ZNF208: variants seen among roughly 807,000 people sequenced by gnomAD.
The protein encoded by ZNF208 is zinc finger protein 95.
In ZNF208, 10 loss-of-function variants were observed where a neutral mutation model predicts 12.1. That is an observed-to-expected ratio of 0.83 (90% CI 0.51 to 1.40). The LOEUF (loss-of-function observed/expected upper bound fraction) is 1.40. Among genes scored for constraint, ZNF208 ranks in the 40% most tolerant of loss-of-function variants. The probability of loss-of-function intolerance (pLI) is 0.00; values close to 1 mark genes in which losing one functional copy is unlikely to be tolerated. For synonymous variants in ZNF208, 497 were observed against 488.4 expected (o/e 1.02, Z -0.23); for missense variants, 1,652 against 1,485.0 (o/e 1.11, Z -1.85).
intron 4 of ZNF208, among the ~76,000 whole-genome samples, chr19:21,944,426 A>G (rs543228852): frequency 6.6e-6 from 1 of 152,326 alleles, no homozygotes; most frequent in South Asian, 2.1e-4. Flanking sequence ...ACAAATCATC[A>G]AATTCTTATT....
intron 1 of ZNF208, among the ~76,000 whole-genome samples, chr19:21,996,730 C>G (rs1207362645): frequency 6.6e-6 from 1 of 152,186 alleles, no homozygotes; most frequent in African/African-American, 2.4e-5. Context: ...ACTCAGTGCA[C>G]ATATTTTACT....
At chr19:21,984,078 G>C (rs145981309) in intron 3 of ZNF208, among the ~76,000 whole-genome samples, 1,879 of 152,140 alleles carry the variant, frequency 0.012, 31 homozygotes, top group African/African-American at 0.042. Context: ...GAGGTATAGA[G>C]AGCACTCCTT....
At position 21,971,964 on chromosome 19, in the gene ZNF208, T is replaced by G. The variant is rs768690186; in HGVS notation, c.3070A>C (p.Thr1024Pro). The G allele has an allele frequency of 6.3e-7, 1 of 1,576,022 alleles. No homozygotes were observed. Among genetic ancestry groups the G allele is most frequent in the South Asian group, 1.1e-5 (1 of 90,096 alleles). Residue 1024 changes from threonine (T) to proline (P), a missense_variant, in exon 4 of 4, where the codon ACT becomes CCT. Physicochemically the swap from Thr to Pro is conservative, Grantham distance 38. Around this residue, in one of 3 missense-constraint regions of ZNF208, gnomAD observed 1,239 missense variants for 1,086.2 expected, o/e 1.14. Coordinates refer to ENST00000397126, the MANE Select transcript of ZNF208 (RefSeq NM_007153.3). ...SNLMEHKKIH[T>P]GETPYKCEEC... ...TCACATTTGTAGGGTGTCTCTCCAG[T>G]GTGAATTTTCTTATGTTCCATAAGG...
intron 3 of ZNF208, among the ~76,000 whole-genome samples, chr19:21,983,444 C>T (rs141590519): frequency 1.2e-4 from 19 of 152,042 alleles, no homozygotes; most frequent in African/African-American, 4.1e-4. Flanking sequence ...GACAATGTGG[C>T]GATTCCTCAA....
chr19:21,982,510 C>A (rs1158073525), intron 3 of ZNF208, among the ~76,000 whole-genome samples: 7 of 151,908 alleles, frequency 4.6e-5, no homozygotes, highest in East Asian at 1.9e-4. Flanking sequence ...AGAAAAAAAA[C>A]CGCTTTAAAT....
At chr19:21,941,134 G>A (rs1397779215) in intron 4 of ZNF208, 1 of 383,734 alleles carries the variant, frequency 2.6e-6, no homozygotes, top group Non-Finnish European at 4.6e-6. Flanking sequence ...GCCAAGAACA[G>A]AAGAACGGAG....
intron 1 of ZNF208, among the ~76,000 whole-genome samples, chr19:22,002,933 A>G (rs1480083481): frequency 6.6e-6 from 1 of 152,220 alleles, no homozygotes; most frequent in East Asian, 1.9e-4. Context: ...GCATTACATT[A>G]CCTGACTTCA....
intron 3 of ZNF208, among the ~76,000 whole-genome samples, chr19:21,985,661 A>G (rs1970619184): frequency 6.6e-6 from 1 of 152,200 alleles, no homozygotes; most frequent in Non-Finnish European, 1.5e-5. Context: ...TTTGTCTTCC[A>G]GAAGCCTGGA....
rs143700932 is a variant in ZNF208, at chr19:22,008,200, G to A, written c.3+2592C>T. 2.8e-3 allele frequency among the ~76,000 whole-genome samples: 428 copies of A among 151,186 alleles called. 1 individual carries two copies. Among genetic ancestry groups the A allele is most frequent in the African/African-American group, 9.9e-3 (408 of 41,114 alleles). ...CACCTGTAGTCCCAGCTACTCAGGA[G>A]GCTGAGGCAGAAGAATTGCTTGAAC... On this transcript the variant is annotated intron_variant, in intron 1 of 3. Transcript: ENST00000397126.
chr19:22,010,747 G>A (rs756815251), intron 1 of ZNF208, 45 bp downstream of exon 1: 4 of 1,614,032 alleles, frequency 2.5e-6, no homozygotes. Flanking sequence ...CCGGTTCCAA[G>A]CAGCCCGGGC....
Position 21,972,633 on chromosome 19 carries a change from C to T in ZNF208, c.2401G>A (p.Asp801Asn), listed in dbSNP as rs375896129. The T allele has an allele frequency of 2.5e-6, 4 of 1,613,196 alleles. No individual in the cohort carries two copies. The highest frequency in any genetic ancestry group is 8.5e-7 in the Non-Finnish European group (1 of 1,179,868). Residue 801 changes from aspartate (D) to asparagine (N), a missense_variant, in exon 4 of 4, where the codon GAT becomes AAT. Physicochemically the swap from Asp to Asn is conservative, Grantham distance 23. Transcript: ENST00000397126. ...ILIKHKRIHTDEKPYKCEECG... is the reference protein window; with the variant it reads ...ILIKHKRIHTNEKPYKCEECG... ...TCTTCACATTTGTAGGGTTTCTCATCAGTATGAATTCTCTTATGTTTAATA... is the reference window on the plus strand; with the variant it reads ...TCTTCACATTTGTAGGGTTTCTCATTAGTATGAATTCTCTTATGTTTAATA...
chr19:21,950,753 C>A (rs1568433921), intron 4 of ZNF208, among the ~76,000 whole-genome samples: 1 of 152,072 alleles, frequency 6.6e-6, no homozygotes, highest in Non-Finnish European at 1.5e-5. Context: ...CCTCAGCCTC[C>A]CAAAGTGCTG....
chr19:22,007,505 C>CAAAA (rs58769307), intron 1 of ZNF208, among the ~76,000 whole-genome samples: 2 of 62,562 alleles, frequency 3.2e-5, no homozygotes, highest in Non-Finnish European at 2.6e-5. Context: ...ACTCTGTCTC[C>CAAAA]AAAAAAAAAA....
In ZNF208 at chr19:21,973,868, T is replaced by G; in HGVS notation, c.1166A>C (p.Lys389Thr). Residue 389 changes from lysine to threonine, a missense_variant, in exon 4 of 4, where the codon AAA (lysine) becomes ACA (threonine). By Grantham distance (78) the Lys-to-Thr change is moderately conservative. This residue lies in a region of ZNF208 where 1,239 missense variants were observed against 1,086.2 expected (regional missense o/e 1.14). Coordinates refer to ENST00000397126, the MANE Select transcript of ZNF208 (RefSeq NM_007153.3). ...KWPSTLSYHK[K>T]IHTGEKPYKC... ...GTAGGGTTTCTCTCCAGTATGAATT[T>G]TCTTATGATAACTAAGGGTTGAGGG... is the stretch of plus-strand genomic sequence containing the variant. The G allele has an allele frequency of 6.2e-7, 1 of 1,610,506 alleles. No homozygotes were observed.
chr19:22,010,712 T>C lies in ZNF208; in HGVS notation c.3+80A>G. ...ATGTGGAGCTGACTGCGGGGAGGCC[T>C]GAGTCCCGCCACAGCCACTTCCCAC... is the stretch of plus-strand genomic sequence containing the variant. On this transcript the variant is annotated intron_variant, in intron 1 of 3. Coordinates refer to ENST00000397126, the MANE Select transcript of ZNF208 (RefSeq NM_007153.3). 3 of 1,609,912 alleles carry C rather than the reference T, an allele frequency of 1.9e-6. No homozygotes were observed. The South Asian group carries it at 3.3e-5, about 18-fold the overall frequency.
rs759259648 is a variant in ZNF208, at chr19:21,989,266, T to C, written c.4-357A>G. Among the ~76,000 whole-genome samples, 29 of 115,034 alleles carry C rather than the reference T, an allele frequency of 2.5e-4. No homozygotes were observed. The Admixed American group carries it at 3.1e-3, about 12-fold the overall frequency. 75.5% of individuals were successfully genotyped at this position (115,034 alleles called of 152,430 possible). ...CCCCACCCCACAACAGTCCCCAGAC[T>C]GTGATGTTCCCCTTCCGGTGTCCAT... On this transcript the variant is annotated intron_variant, in intron 1 of 3. Transcript: ENST00000397126.
chr19:22,008,872 G>C (rs1343635270), intron 1 of ZNF208, among the ~76,000 whole-genome samples: 4 of 152,130 alleles, frequency 2.6e-5, no homozygotes, highest in African/African-American at 9.7e-5. Context: ...GAGAAGAGAG[G>C]CTACACTGTG....
At chr19:21,994,561 A>G (rs1427398220) in intron 1 of ZNF208, among the ~76,000 whole-genome samples, 2 of 152,110 alleles carry the variant, frequency 1.3e-5, no homozygotes, top group South Asian at 2.1e-4. Flanking sequence ...CTTTTTTTTA[A>G]GCTTACTTAA....
rs745829167 is a variant in ZNF208 at position 21,973,899 on chromosome 19, T to G, written c.1135A>C (p.Lys379Gln). ...TGATAACTAAGGGTTGAGGGCCACT[T>G]ATAGGCTTTGCCGCATTCTTCACAT... The part of the protein sequence containing the change: ...YKCEECGKAY[K>Q]WPSTLSYHKK... The change falls in exon 4 of 4, where the codon AAG becomes CAG. Residue 379 changes from lysine to glutamine, a missense_variant. Physicochemically the swap from Lys to Gln is moderately conservative, Grantham distance 53 (BLOSUM62 1). Transcript: ENST00000397126. 1.9e-6 allele frequency: 3 copies of G among 1,613,430 alleles called. No homozygotes were observed. In the South Asian group the frequency reaches 3.3e-5, roughly 18 times the overall value.
Sources: gnomAD v4.1 joint callset for allele counts (sites outside exome capture counted in the v4.1 genomes callset) on GRCh38, gnomAD v4.1.1 for gene constraint, gnomAD v4.1.1 regional missense constraint, MANE v1.5 for transcripts, NCBI Gene and HGNC (gene_info 2026-07-23, HGNC 2026-07-21) for gene names.